Variants in TDRD15 observed in about 807,000 individuals in gnomAD.
The protein encoded by TDRD15 is tudor domain containing 15, also known as tudor domain-containing protein 15.
For missense variants in TDRD15, 1,416 were observed against 904.7 expected (o/e 1.57, Z -7.25); for synonymous variants, 503 against 314.5 (o/e 1.60, Z -6.34).
intron 2 of TDRD15, among the ~76,000 whole-genome samples, chr2:21,130,476 G>T (rs1665695369): frequency 6.6e-6 from 1 of 152,160 alleles, no homozygotes; most frequent in African/African-American, 2.4e-5. Flanking sequence ...GGAGCTTTTA[G>T]ATTTCTATGG....
At position 21,140,548 on chromosome 2, in the gene TDRD15, C is replaced by A. The variant is rs1019755301; in HGVS notation, c.3081C>A (p.Leu1027=). ...TATCTAAGTATGTAGAGGATGGTCT[C>A]TCATACAGAGCTTTAGCAATACCAA... ...VCISKYVEDG[L]SYRALAIPTD... is the part of the protein sequence containing the mutation. The change falls in exon 4 of 4, where the codon CTC becomes CTA. Residue 1027 remains leucine, a synonymous_variant. Coordinates refer to ENST00000405799, the MANE Select transcript of TDRD15 (RefSeq NM_001306137.2). The A allele has an allele frequency of 1.4e-6, 1 of 706,010 alleles. No homozygotes were observed. The highest frequency in any genetic ancestry group is 2.1e-5 in the Admixed American group (1 of 48,450). 43.7% of individuals were successfully genotyped at this position (706,010 alleles called of 1,614,324 possible).
In TDRD15 at chr2:21,138,884, A is replaced by G. The variant is rs1243119468; in HGVS notation, c.1417A>G (p.Ile473Val). 3 of 715,798 alleles carry G rather than the reference A, an allele frequency of 4.2e-6. No individual in the cohort carries two copies. Among genetic ancestry groups the G allele is most frequent in the Admixed American group, 2.0e-5 (1 of 49,896 alleles). The allele number at this position is 715,798 out of a possible 1,614,324, so 44.3% of individuals were successfully genotyped here. A position where few individuals can be genotyped will look rare whatever the true frequency, so the allele number is the denominator to read the frequency against. Residue 473 changes from isoleucine (I) to valine (V), a missense_variant, in exon 4 of 4, where the codon ATT becomes GTT. Transcript: ENST00000405799. ...AGGCATTTTAAAAGTAGGTTTTCCC[A>G]TTAAAACAGTACAAATGGAGATAGA... Reference protein sequence around the residue: ...KKGILKVGFPIKTVQMEIEAA... With the variant: ...KKGILKVGFPVKTVQMEIEAA...
At chr2:21,126,206 CT>C (rs1430816212) in intron 1 of TDRD15, among the ~76,000 whole-genome samples, 2 of 152,174 alleles carry the variant, frequency 1.3e-5, no homozygotes, top group Non-Finnish European at 2.9e-5. Context: ...CTGCGCTCCC[CT>C]TATCCAAGTC....
intron 2 of TDRD15, among the ~76,000 whole-genome samples, chr2:21,130,756 C>A (rs1015011602): frequency 6.6e-6 from 1 of 152,132 alleles, no homozygotes; most frequent in African/African-American, 2.4e-5. Context: ...TGGCACCTCG[C>A]TGTGAATCAA....
At chr2:21,146,515 T>C (rs530252220), downstream of TDRD15, among the ~76,000 whole-genome samples, 1 of 152,210 alleles carries the variant, frequency 6.6e-6, no homozygotes, top group Admixed American at 6.5e-5. Context: ...AAATCATGTT[T>C]GCTTGCCCAC....
downstream of TDRD15, among the ~76,000 whole-genome samples, chr2:21,146,463 A>G (rs544560101): frequency 6.6e-6 from 1 of 152,152 alleles, no homozygotes; most frequent in Admixed American, 6.6e-5. Flanking sequence ...CAAACTTGTT[A>G]GTCTTTTTCC....
chr2:21,145,074 CAA>C (rs1249478520), downstream of TDRD15, among the ~76,000 whole-genome samples: 1 of 151,862 alleles, frequency 6.6e-6, no homozygotes, highest in Non-Finnish European at 1.5e-5. Flanking sequence ...GTCAGAAGAG[CAA>C]AGAGGCTAGG....
intron 1 of TDRD15, among the ~76,000 whole-genome samples, chr2:21,126,554 C>T (rs774836296): frequency 1.9e-4 from 29 of 152,070 alleles, no homozygotes; most frequent in Non-Finnish European, 3.7e-4. Flanking sequence ...TTAGTAGAGA[C>T]GGGGTTTCTC....
rs1294864788 is a variant in TDRD15, at chr2:21,141,720, C to A, written c.4253C>A (p.Pro1418His). ...CTTAGTGGAGTAAAATGGAATGAGC[C>A]TGATGAAATATGGGATGACAAAACT... ...AFLSGVKWNE[P>H]DEIWDDKTVD... The change falls in exon 4 of 4, where the codon CCT becomes CAT. Residue 1418 changes from proline (P) to histidine (H), a missense_variant. Pro to His is a moderately conservative substitution (Grantham distance 77). Coordinates refer to ENST00000405799, the MANE Select transcript of TDRD15 (RefSeq NM_001306137.2). 1.4e-6 allele frequency: 1 copy of A among 715,158 alleles called. No homozygotes were observed. The highest frequency in any genetic ancestry group is 2.6e-6 in the Non-Finnish European group (1 of 383,620). The allele number at this position is 715,158 out of a possible 1,614,324, so 44.3% of individuals were successfully genotyped here. A position where few individuals can be genotyped will look rare whatever the true frequency, so the allele number is the denominator to read the frequency against.
chr2:21,140,282 A>G lies in TDRD15; in HGVS notation c.2815A>G (p.Ile939Val), dbSNP rs113616147. The change falls in exon 4 of 4, where the codon ATC becomes GTC. Residue 939 changes from isoleucine (I) to valine (V), a missense_variant. Physicochemically the swap from Ile to Val is conservative, Grantham distance 29. Transcript: ENST00000405799. ...TATGAATCGTGGCTCTGCTCAGTAT[A>G]TCACATTATCAGAGACATTCCCATC... ...FLMNRGSAQYITLSETFPSLF... is the reference protein window; with the variant it reads ...FLMNRGSAQYVTLSETFPSLF... 1.5e-4 allele frequency: 106 copies of G among 715,258 alleles called. No homozygotes were observed. In the African/African-American group the frequency reaches 1.5e-3, roughly 10 times the overall value. 44.3% of individuals were successfully genotyped at this position (715,258 alleles called of 1,614,324 possible). A position where few individuals can be genotyped will look rare whatever the true frequency, so the allele number is the denominator to read the frequency against.
chr2:21,135,859 A>C (rs141795754), intron 3 of TDRD15, among the ~76,000 whole-genome samples: 14 of 152,126 alleles, frequency 9.2e-5, no homozygotes, highest in South Asian at 2.1e-4. Context: ...AGGGAGAGAT[A>C]GTGACGTGGA....
chr2:21,140,388 T>C lies in TDRD15; in HGVS notation c.2921T>C (p.Ile974Thr), dbSNP rs1167253128. The C allele has an allele frequency of 1.4e-6, 1 of 696,562 alleles. No homozygotes were observed. The highest frequency in any genetic ancestry group is 1.6e-5 in the South Asian group (1 of 63,346). The allele number at this position is 696,562 out of a possible 1,614,324, so 43.1% of individuals were successfully genotyped here. The change falls in exon 4 of 4, where the codon ATA (isoleucine) becomes ACA (threonine). Residue 974 changes from isoleucine to threonine, a missense_variant. Coordinates refer to ENST00000405799, the MANE Select transcript of TDRD15 (RefSeq NM_001306137.2). The part of the protein sequence containing the change: ...GSEEEVYISH[I>T]YSPQKFYCQL... ...GAAGAAGAAGTATATATATCTCACA[T>C]ATATAGTCCCCAAAAGTTTTATTGC...
chr2:21,141,999 C>A lies in TDRD15; in HGVS notation c.4532C>A (p.Ser1511Ter). The A allele has an allele frequency of 1.4e-6, 1 of 700,756 alleles. No homozygotes were observed. The highest frequency in any genetic ancestry group is 1.6e-5 in the South Asian group (1 of 63,504). The allele number at this position is 700,756 out of a possible 1,614,324, so 43.4% of individuals were successfully genotyped here. ...AATGAGTCTGAAGGTTCTATGAATT[C>A]AAACCAACAGCTGTTTAAAATTCCT... ...KSNESEGSMNSNQQLFKIPLE... is the reference protein window; with the variant it reads ...KSNESEGSMN The change falls in exon 4 of 4, where the codon TCA becomes TAA. Residue 1511 changes from serine to a stop codon, truncating the protein, a stop_gained. Coordinates refer to ENST00000405799, the MANE Select transcript of TDRD15 (RefSeq NM_001306137.2). LOFTEE classifies it low-confidence loss of function (END_TRUNC).
In TDRD15 at chr2:21,140,191, A is replaced by G. The variant is rs1270064630; in HGVS notation, c.2724A>G (p.Ile908Met). The G allele has an allele frequency of 9.8e-6, 7 of 715,240 alleles. No individual in the cohort carries two copies. The East Asian group carries it at 1.3e-4, about 14-fold the overall frequency. 44.3% of individuals were successfully genotyped at this position (715,240 alleles called of 1,614,324 possible). Residue 908 changes from isoleucine to methionine, a missense_variant, in exon 4 of 4, where the codon ATA becomes ATG. Transcript: ENST00000405799. ...GTATCATCTATGCCTTAGTTATTATACATCCAAACCATTTATATAACTTAG... is the reference window on the plus strand; with the variant it reads ...GTATCATCTATGCCTTAGTTATTATGCATCCAAACCATTTATATAACTTAG... ...LTCIIYALVI[I>M]HPNHLYNLVD...
chr2:21,143,446 T>G lies in TDRD15; in HGVS notation c.*174T>G, dbSNP rs12467873. 6.6e-3 allele frequency among the ~76,000 whole-genome samples: 1,004 copies of G among 151,632 alleles called. 6 individuals are homozygous for G. The highest frequency in any genetic ancestry group is 0.02 in the Middle Eastern group (6 of 294). ...TAGTAAAAGATCACATTCTAGAAAT[T>G]TAACAGTGAGAAAGAAAGTTGGTAG... On this transcript the variant is annotated 3_prime_UTR_variant, in exon 4 of 4. Coordinates refer to ENST00000405799, the MANE Select transcript of TDRD15 (RefSeq NM_001306137.2).
At position 21,127,679 on chromosome 2, in the gene TDRD15, G is replaced by C. The variant is rs1162377998; in HGVS notation, c.-122G>C. On this transcript the variant is annotated 5_prime_UTR_variant, in exon 2 of 4. Coordinates refer to ENST00000405799, the MANE Select transcript of TDRD15 (RefSeq NM_001306137.2). ...CTACACCAGTACCACAGTGTCTTGAGTGCTGTAACTTTATAATTAGTCTTA... is the reference window on the plus strand; with the variant it reads ...CTACACCAGTACCACAGTGTCTTGACTGCTGTAACTTTATAATTAGTCTTA... 1 of 152,174 alleles carries C rather than the reference G, an allele frequency of 6.6e-6. No individual in the cohort carries two copies. Among genetic ancestry groups the C allele is most frequent in the Non-Finnish European group, 1.5e-5 (1 of 68,038 alleles). The allele number at this position is 152,174 out of a possible 1,614,324, so 9.4% of individuals were successfully genotyped here.
Position 21,143,248 on chromosome 2 carries a change from T to G in TDRD15, c.5781T>G (p.Thr1927=), listed in dbSNP as rs769634413. The G allele has an allele frequency of 1.6e-6, 1 of 615,714 alleles. No individual in the cohort carries two copies. The highest frequency in any genetic ancestry group is 2.0e-5 in the South Asian group (1 of 49,372). 38.1% of individuals were successfully genotyped at this position (615,714 alleles called of 1,614,324 possible). ...DSPHLDAITA[T]ESAKNPI ...CTCATCTTGATGCAATTACTGCTAC[T>G]GAATCTGCTAAAAATCCAATATAAA... The change falls in exon 4 of 4, where the codon ACT becomes ACG. Residue 1927 remains threonine (T), a synonymous_variant. Coordinates refer to ENST00000405799, the MANE Select transcript of TDRD15 (RefSeq NM_001306137.2).
chr2:21,138,123 A>G lies in TDRD15; in HGVS notation c.656A>G (p.Asn219Ser). The change falls in exon 4 of 4, where the codon AAT becomes AGT. Residue 219 changes from asparagine (N) to serine (S), a missense_variant. Coordinates refer to ENST00000405799, the MANE Select transcript of TDRD15 (RefSeq NM_001306137.2). ...AAAAGGCCTGAATTGTCATTAGGTA[A>G]TAAAGATACTTCACTTGATATTCAG... Reference protein sequence around the residue: ...QHKRPELSLGNKDTSLDIQHV... With the variant: ...QHKRPELSLGSKDTSLDIQHV... The G allele has an allele frequency of 1.4e-6, 1 of 716,584 alleles. No homozygotes were observed. The highest frequency in any genetic ancestry group is 2.3e-4 in the Middle Eastern group (1 of 4,368). The allele number at this position is 716,584 out of a possible 1,614,324, so 44.4% of individuals were successfully genotyped here.
At chr2:21,135,994 A>G (rs1210671327) in intron 3 of TDRD15, among the ~76,000 whole-genome samples, 1 of 151,944 alleles carries the variant, frequency 6.6e-6, no homozygotes, top group Non-Finnish European at 1.5e-5. Context: ...GGGTACCTCT[A>G]CTTTTTATAC....
Sources: gnomAD v4.1 joint callset for allele counts (sites outside exome capture counted in the v4.1 genomes callset) on GRCh38, gnomAD v4.1.1 for gene constraint, MANE v1.5 for transcripts, NCBI Gene and HGNC (gene_info 2026-07-23, HGNC 2026-07-21) for gene names.